Variants in TMEM40 observed in about 807,000 individuals in gnomAD.
The protein encoded by TMEM40 is transmembrane protein 40.
A neutral mutation model predicts 40.8 loss-of-function variants in TMEM40; 34 were observed. The ratio of observed to expected loss-of-function variants is 0.83; its 90% CI spans 0.63 to 1.11. The LOEUF (loss-of-function observed/expected upper bound fraction) is 1.11, where lower values mean the gene tolerates loss of function less well. TMEM40 is among the 50% of genes least tolerant of loss of function. The pLI, the probability that TMEM40 is intolerant of heterozygous loss-of-function variation, is 0.00. For synonymous variants in TMEM40, 106 were observed against 107.0 expected (o/e 0.99, Z 0.06); for missense variants, 296 against 280.2 (o/e 1.06, Z -0.40).
At chr3:12,756,618 C>T (rs1331359474) in intron 1 of TMEM40, among the ~76,000 whole-genome samples, 1 of 152,138 alleles carries the variant, frequency 6.6e-6, no homozygotes, top group Non-Finnish European at 1.5e-5. Context: ...TTCCCTGGCT[C>T]GCATCGTCCT....
intron 5 of TMEM40, among the ~76,000 whole-genome samples, chr3:12,741,810 A>C (rs1559526374): frequency 6.6e-6 from 1 of 151,722 alleles, no homozygotes; most frequent in Non-Finnish European, 1.5e-5. Flanking sequence ...AGAAAGAAAG[A>C]AGGACCAGGT....
chr3:12,755,357 C>G (rs2061519684), intron 1 of TMEM40, among the ~76,000 whole-genome samples: 1 of 151,258 alleles, frequency 6.6e-6, no homozygotes, highest in South Asian at 2.1e-4. Context: ...CTCACTGCAG[C>G]CTTGAACTGT....
chr3:12,763,207 G>A (rs927874534), upstream of TMEM40, among the ~76,000 whole-genome samples: 1 of 150,036 alleles, frequency 6.7e-6, no homozygotes, highest in African/African-American at 2.5e-5. Context: ...GCACATAGTA[G>A]GTGCTCCAAA....
At chr3:12,755,011 CCT>C (rs1356800112) in intron 1 of TMEM40, among the ~76,000 whole-genome samples, 7 of 148,258 alleles carry the variant, frequency 4.7e-5, no homozygotes, top group South Asian at 2.2e-4. Flanking sequence ...TCTCTTCCTT[CCT>C]CTCTCTCCTT....
Position 12,750,469 on chromosome 3 carries a change from T to C in TMEM40, c.-8-629A>G, listed in dbSNP as rs74983511. On this transcript the variant is annotated intron_variant, in intron 1 of 11. Coordinates refer to ENST00000314124, the MANE Select transcript of TMEM40 (RefSeq NM_018306.4). ...AAGAAGTTTCTTTTAATGGAGCCCA[T>C]GTGCTATGAGTCTCTGTTATAGCAG... is the stretch of plus-strand genomic sequence containing the variant. Among the ~76,000 whole-genome samples, 265 of 152,336 alleles carry C rather than the reference T, an allele frequency of 1.7e-3. 1 individual carries two copies. The highest frequency in any genetic ancestry group is 4.8e-3 in the African/African-American group (200 of 41,578).
intron 5 of TMEM40, among the ~76,000 whole-genome samples, chr3:12,739,575 T>C (rs2061365683): frequency 1.3e-5 from 2 of 151,540 alleles, no homozygotes; most frequent in Non-Finnish European, 2.9e-5. Flanking sequence ...TGAGCCACCA[T>C]GCCTGGCTGC....
chr3:12,743,288 TA>T lies in TMEM40; in HGVS notation c.301+611del, dbSNP rs746308213. ...TTTGAGACAGGCCTGGGCAACATGG[TA>T]AAACCCTGTCTCTACTAAAAATACA... On this transcript the variant is annotated intron_variant, in intron 4 of 11. Transcript: ENST00000314124. 1.2e-4 allele frequency among the ~76,000 whole-genome samples: 18 copies of T among 152,138 alleles called. 2 individuals are homozygous for T. Among genetic ancestry groups the T allele is most frequent in the Admixed American group, 2.6e-4 (4 of 15,254 alleles).
intron 5 of TMEM40, among the ~76,000 whole-genome samples, chr3:12,739,509 C>T (rs926331888): frequency 5.9e-5 from 9 of 152,062 alleles, no homozygotes; most frequent in African/African-American, 2.2e-4. Flanking sequence ...TGGTCTCGAT[C>T]TCCTGACCTC....
intron 8 of TMEM40, 149 bp from the exon 9 acceptor site, chr3:12,736,984 T>A: frequency 1.0e-6 from 1 of 1,004,532 alleles, no homozygotes; most frequent in Non-Finnish European, 1.5e-6. Flanking sequence ...GCTTAAGCAA[T>A]TCTCCTGCTT....
intron 1 of TMEM40, among the ~76,000 whole-genome samples, chr3:12,751,747 A>T (rs1471366332): frequency 6.6e-6 from 1 of 152,196 alleles, no homozygotes; most frequent in Non-Finnish European, 1.5e-5. Flanking sequence ...ACAGGTGACT[A>T]GTACATATTC....
chr3:12,737,956 G>T (rs919638749), intron 7 of TMEM40, 180 bp downstream of exon 7: 1 of 956,806 alleles, frequency 1.0e-6, no homozygotes, highest in East Asian at 2.6e-5. Context: ...CCTTAGGCCC[G>T]AGTCTGCCTT....
chr3:12,737,615 T>C, intron 8 of TMEM40, 92 bp downstream of exon 8: 1 of 1,185,638 alleles, frequency 8.4e-7, no homozygotes, highest in Admixed American at 1.7e-5. Flanking sequence ...AGGTGGGCTA[T>C]GATTACTGCT....
In TMEM40 at chr3:12,737,719, T is replaced by C. The variant is rs1334691432; in HGVS notation, c.460A>G (p.Ile154Val). The C allele has an allele frequency of 6.2e-7, 1 of 1,614,122 alleles. No homozygotes were observed. The highest frequency in any genetic ancestry group is 1.7e-5 in the Admixed American group (1 of 60,020). Reference protein sequence around the residue: ...VEASQLRRLNIKKDDEFFHFV... With the variant: ...VEASQLRRLNVKKDDEFFHFV... Reference sequence around the variant, plus strand: ...CCAAGTTCCTTACCATCTTTCTTTATATTCAGTCTTCTTAACTGAGAGGCC... The same window carrying C: ...CCAAGTTCCTTACCATCTTTCTTTACATTCAGTCTTCTTAACTGAGAGGCC... Residue 154 changes from isoleucine to valine, a missense_variant, in exon 8 of 12, where the codon ATA becomes GTA. By Grantham distance (29) the Ile-to-Val change is conservative. Transcript: ENST00000314124.
At chr3:12,740,958 T>G (rs1013843384) in intron 5 of TMEM40, among the ~76,000 whole-genome samples, 2 of 148,372 alleles carry the variant, frequency 1.3e-5, no homozygotes, top group African/African-American at 4.9e-5. Flanking sequence ...GGGCCACCCA[T>G]TTGCACATGC....
chr3:12,737,181 CTT>C (rs1355255127), intron 8 of TMEM40, among the ~76,000 whole-genome samples: 46 of 139,712 alleles, frequency 3.3e-4, no homozygotes, highest in Non-Finnish European at 3.1e-4. Context: ...TGCCTGGCCT[CTT>C]TTTTTTTTTT....
At chr3:12,757,311 A>G (rs879478387) in intron 1 of TMEM40, among the ~76,000 whole-genome samples, 9 of 151,970 alleles carry the variant, frequency 5.9e-5, no homozygotes, top group Non-Finnish European at 1.2e-4. Flanking sequence ...CTCTTCTAAA[A>G]ATACAAAATT....
At chr3:12,764,105 G>A (rs2061584386), upstream of TMEM40, among the ~76,000 whole-genome samples, 2 of 151,810 alleles carry the variant, frequency 1.3e-5, no homozygotes, top group Admixed American at 1.3e-4. Context: ...TAGAGACGGG[G>A]GTCTCACCAT....
chr3:12,755,209 T>TACTTTCTCTC (rs1553634004), intron 1 of TMEM40, among the ~76,000 whole-genome samples: 9 of 78,100 alleles, frequency 1.2e-4, no homozygotes, highest in Admixed American at 3.6e-4. Flanking sequence ...CTTTCTTTCT[T>TACTTTCTCTC]TCTTTCTCTC....
intron 1 of TMEM40, among the ~76,000 whole-genome samples, chr3:12,751,406 G>A (rs561862378): frequency 4.0e-5 from 6 of 150,968 alleles, no homozygotes; most frequent in South Asian, 2.1e-4. Flanking sequence ...CTCAGCCTCC[G>A]GAGTAGCTGG....
Sources: gnomAD v4.1 joint callset for allele counts (sites outside exome capture counted in the v4.1 genomes callset) on GRCh38, gnomAD v4.1.1 for gene constraint, MANE v1.5 for transcripts, NCBI Gene and HGNC (gene_info 2026-07-23, HGNC 2026-07-21) for gene names.